Variants in SIPA1L3 observed in about 807,000 individuals in gnomAD.
SIPA1L3 encodes signal induced proliferation associated 1 like 3, also known as signal-induced proliferation-associated 1-like protein 3.
In SIPA1L3, 59 loss-of-function variants were observed where a neutral mutation model predicts 150.1. The ratio of observed to expected loss-of-function variants is 0.39; its 90% confidence interval spans 0.32 to 0.49. The LOEUF (loss-of-function observed/expected upper bound fraction) is 0.49, where lower values mean the gene tolerates loss of function less well. Among genes scored for constraint, SIPA1L3 ranks in the 20% least tolerant of loss-of-function variants. The pLI is 0.86. For missense variants in SIPA1L3, 2,211 were observed against 2,489.5 expected, an observed-to-expected ratio of 0.89 and a Z score of 2.38; for synonymous variants, 1,070 against 1,077.6, an observed-to-expected ratio of 0.99 and a Z score of 0.14.
At chr19:38,013,888 A>G (rs1968166802) in intron 1 of SIPA1L3, among the ~76,000 whole-genome samples, 1 of 152,208 alleles carries the variant, frequency 6.6e-6, no homozygotes, top group African/African-American at 2.4e-5. Context: ...GCTGGCCTGG[A>G]GGCATTTCTG....
chr19:38,162,404 G>C (rs1361022858), intron 14 of SIPA1L3, 33 bp downstream of exon 14: 43 of 1,539,924 alleles, frequency 2.8e-5, no homozygotes, highest in Non-Finnish European at 3.9e-5. Flanking sequence ...CCTACCGGGG[G>C]AGCCAGGCCT....
At chr19:37,954,306 G>C (rs1311265841) in intron 1 of SIPA1L3, among the ~76,000 whole-genome samples, 2 of 152,092 alleles carry the variant, frequency 1.3e-5, no homozygotes, top group East Asian at 3.9e-4. Flanking sequence ...TTTCATGTTT[G>C]GCAGAAAGAT....
chr19:38,195,378 C>G (rs886794528), intron 18 of SIPA1L3, among the ~76,000 whole-genome samples: 1 of 152,232 alleles, frequency 6.6e-6, no homozygotes, highest in Non-Finnish European at 1.5e-5. Context: ...CCCCTGCGCT[C>G]CCTTCCTGTT....
At position 38,207,612 on chromosome 19, in the gene SIPA1L3, G is replaced by A. The variant is rs1973249647; in HGVS notation, c.*1372G>A. 6.6e-6 allele frequency: 1 copy of A among 151,846 alleles called. No homozygotes were observed. The highest frequency in any genetic ancestry group is 2.4e-5 in the African/African-American group (1 of 41,354). 9.4% of individuals were successfully genotyped at this position (151,846 alleles called of 1,614,324 possible). On this transcript the variant is annotated 3_prime_UTR_variant, in exon 22 of 22. Transcript: ENST00000222345. Reference sequence around the variant, plus strand: ...GTCAGGGCAGGCCGGTGCCCTTTTTGGGAGGCACCAGGCGGGGAGGAGTTG... The same window carrying A: ...GTCAGGGCAGGCCGGTGCCCTTTTTAGGAGGCACCAGGCGGGGAGGAGTTG...
Position 37,999,519 on chromosome 19 carries a change from G to A in SIPA1L3, c.-378-29570G>A, listed in dbSNP as rs529713083. ...TGAGTGGTGGGCTGGGTTTTCCAGC[G>A]CTGAACGTGCTCTTCATTCCGCTGC... On this transcript the variant is annotated intron_variant, in intron 1 of 21. Coordinates refer to ENST00000222345, the MANE Select transcript of SIPA1L3 (RefSeq NM_015073.3). Among the ~76,000 whole-genome samples the A allele has an allele frequency of 6.0e-4, 92 of 152,276 alleles. 1 individual carries two copies. In the South Asian group the frequency reaches 0.01, roughly 17 times the overall value.
chr19:37,943,250 G>A (rs1568472744), intron 1 of SIPA1L3, among the ~76,000 whole-genome samples: 2 of 151,916 alleles, frequency 1.3e-5, no homozygotes, highest in African/African-American at 2.4e-5. Flanking sequence ...TTTCAACCCC[G>A]AAGAAACTGA....
At chr19:37,963,179 C>T (rs1168165300) in intron 1 of SIPA1L3, among the ~76,000 whole-genome samples, 11 of 151,988 alleles carry the variant, frequency 7.2e-5, no homozygotes, top group Non-Finnish European at 1.6e-4. Context: ...GTTCCTGAGT[C>T]GGCCCCAGCC....
At chr19:38,171,791 A>G (rs1347319010) in intron 15 of SIPA1L3, among the ~76,000 whole-genome samples, 1 of 152,092 alleles carries the variant, frequency 6.6e-6, no homozygotes, top group East Asian at 1.9e-4. Flanking sequence ...TGGAAGTTCG[A>G]GACAGCAGTG....
At chr19:38,030,284 A>G (rs1480216795) in intron 2 of SIPA1L3, among the ~76,000 whole-genome samples, 1 of 152,106 alleles carries the variant, frequency 6.6e-6, no homozygotes, top group Non-Finnish European at 1.5e-5. Flanking sequence ...AATATGAGCC[A>G]GGTGTGGTGG....
In SIPA1L3 at chr19:38,138,910, A is replaced by AAAAACAAAAAACAAAAAC. The variant is rs1555791056; in HGVS notation, c.3144-2270_3144-2269insCAAAAAACAAAAACAAAA. 2.7e-4 allele frequency among the ~76,000 whole-genome samples: 30 copies of AAAAACAAAAAACAAAAAC among 112,786 alleles called. 2 individuals are homozygous for AAAAACAAAAAACAAAAAC. Among genetic ancestry groups the AAAAACAAAAAACAAAAAC allele is most frequent in the African/African-American group, 1.1e-3 (29 of 26,184 alleles). The allele number at this position is 112,786 out of a possible 152,430, so 74.0% of individuals were successfully genotyped here. On this transcript the variant is annotated intron_variant, in intron 10 of 21. Coordinates refer to ENST00000222345, the MANE Select transcript of SIPA1L3 (RefSeq NM_015073.3). ...GAGACTCTATCTCAAAAAAAAAAAA[A>AAAAACAAAAAACAAAAAC]AAAAACTGAGTGTGGTGGCTCACGC...
At chr19:38,111,181 T>G (rs1025325164) in intron 8 of SIPA1L3, among the ~76,000 whole-genome samples, 2 of 151,836 alleles carry the variant, frequency 1.3e-5, no homozygotes, top group African/African-American at 4.8e-5. Flanking sequence ...CACACCCCCA[T>G]GCCTGGCTAA....
At chr19:37,941,258 C>CAT (rs2046654955) in intron 1 of SIPA1L3, among the ~76,000 whole-genome samples, 1 of 152,110 alleles carries the variant, frequency 6.6e-6, no homozygotes, top group African/African-American at 2.4e-5. Flanking sequence ...GCCATTATTT[C>CAT]ATTTGGGGTG....
chr19:37,972,604 T>G lies in SIPA1L3; in HGVS notation c.-378-56485T>G, dbSNP rs1477354535. Among the ~76,000 whole-genome samples the G allele has an allele frequency of 1.3e-5, 2 of 152,116 alleles. 1 individual carries two copies. Among genetic ancestry groups the G allele is most frequent in the Non-Finnish European group, 2.9e-5 (2 of 68,022 alleles). On this transcript the variant is annotated intron_variant, in intron 1 of 21. Coordinates refer to ENST00000222345, the MANE Select transcript of SIPA1L3 (RefSeq NM_015073.3). ...CTGTAGTCCCAGCTACTTGGGAGAC[T>G]GAGGTGAGAGGATCCCTTGAGCCCA...
Position 38,191,724 on chromosome 19 carries a change from G to A in SIPA1L3, c.4431-421G>A, listed in dbSNP as rs189210459. 1.3e-3 allele frequency among the ~76,000 whole-genome samples: 125 copies of A among 93,750 alleles called. 1 individual carries two copies. The highest frequency in any genetic ancestry group is 7.4e-3 in the African/African-American group (119 of 16,146). 61.5% of individuals were successfully genotyped at this position (93,750 alleles called of 152,430 possible). ...CTACTCCAGAGGCTGAGGCAGGAGA[G>A]TAGCTTGAACCCAGGGGCAGAGGTT... On this transcript the variant is annotated intron_variant, in intron 16 of 21. Transcript: ENST00000222345.
intron 2 of SIPA1L3, among the ~76,000 whole-genome samples, chr19:38,060,292 T>A (rs1428034693): frequency 1.3e-5 from 2 of 152,334 alleles, no homozygotes; most frequent in South Asian, 2.1e-4. Context: ...AGTTTGGAGT[T>A]AATGCATTTC....
Position 38,008,596 on chromosome 19 carries a change from T to G in SIPA1L3, c.-378-20493T>G, listed in dbSNP as rs751898071. On this transcript the variant is annotated intron_variant, in intron 1 of 21. Coordinates refer to ENST00000222345, the MANE Select transcript of SIPA1L3 (RefSeq NM_015073.3). ...TCCTTTTCCTTTCTTTTTTTTCCCC[T>G]TAGAGACAGAAGTACAATGATGGGA... Among the ~76,000 whole-genome samples, 6 of 152,054 alleles carry G rather than the reference T, an allele frequency of 3.9e-5. No homozygotes were observed. In the South Asian group the frequency reaches 1.2e-3, roughly 32 times the overall value.
At position 38,206,265 on chromosome 19, in the gene SIPA1L3, G is replaced by C; in HGVS notation, c.*25G>C. ...AGGTGGGAGGCCGCCGCCCGCCTTC[G>C]CTCCTTCCCCTCAGGCCGTGGCCCT... is the stretch of plus-strand genomic sequence containing the variant. On this transcript the variant is annotated 3_prime_UTR_variant, in exon 22 of 22. Transcript: ENST00000222345. 6.6e-7 allele frequency: 1 copy of C among 1,523,614 alleles called. No individual in the cohort carries two copies. Among genetic ancestry groups the C allele is most frequent in the Non-Finnish European group, 8.9e-7 (1 of 1,129,794 alleles). 94.4% of individuals were successfully genotyped at this position (1,523,614 alleles called of 1,614,324 possible).
At chr19:38,134,277 C>T (rs543395179) in intron 10 of SIPA1L3, among the ~76,000 whole-genome samples, 1 of 151,368 alleles carries the variant, frequency 6.6e-6, no homozygotes, top group African/African-American at 2.4e-5. Context: ...AGCCACTGCA[C>T]CCAGCCCAAA....
chr19:37,976,732 G>A (rs1276490913), intron 1 of SIPA1L3, among the ~76,000 whole-genome samples: 1 of 152,184 alleles, frequency 6.6e-6, no homozygotes, highest in East Asian at 1.9e-4. Context: ...TGAGGATTCA[G>A]TAAGTTGATA....
Sources: gnomAD v4.1 joint callset for allele counts (sites outside exome capture counted in the v4.1 genomes callset) on GRCh38, gnomAD v4.1.1 for gene constraint, MANE v1.5 for transcripts, NCBI Gene and HGNC (gene_info 2026-07-23, HGNC 2026-07-21) for gene names.